TSHZ2: variants seen among roughly 807,000 people sequenced by gnomAD.
The protein encoded by TSHZ2 is teashirt homolog 2.
TSHZ2 carries 21 observed loss-of-function variants against 74.4 expected under a neutral mutation model. The ratio of observed to expected loss-of-function variants is 0.28; its 90% CI spans 0.20 to 0.41. TSHZ2 has a LOEUF of 0.41. TSHZ2 is among the 10% of genes least tolerant of loss of function. The pLI is 1.00. For synonymous variants in TSHZ2, 540 were observed against 515.3 expected, an observed-to-expected ratio of 1.05 and a Z score of -0.65; for missense variants, 1,244 against 1,293.5, an observed-to-expected ratio of 0.96 and a Z score of 0.59.
intron 2 of TSHZ2, among the ~76,000 whole-genome samples, chr20:53,330,027 T>C (rs890913658): frequency 3.3e-5 from 5 of 152,228 alleles, no homozygotes; most frequent in African/African-American, 9.6e-5. Flanking sequence ...ATGTTATCTA[T>C]GGCTAATTTC....
intron 1 of TSHZ2, among the ~76,000 whole-genome samples, chr20:53,166,569 A>G (rs576135037): frequency 1.3e-5 from 2 of 152,170 alleles, no homozygotes; most frequent in South Asian, 4.1e-4. Context: ...CCAGAAGTTC[A>G]AGACCAGCCT....
chr20:53,407,732 C>A (rs1293138792), intron 2 of TSHZ2, among the ~76,000 whole-genome samples: 3 of 152,176 alleles, frequency 2.0e-5, no homozygotes, highest in African/African-American at 4.8e-5. Flanking sequence ...AGAACACAAC[C>A]ATGGCCTTCA....
At chr20:53,267,342 G>A (rs1185698559) in intron 2 of TSHZ2, among the ~76,000 whole-genome samples, 5 of 152,266 alleles carry the variant, frequency 3.3e-5, no homozygotes, top group Admixed American at 3.3e-4. Flanking sequence ...GAAAGCCAGT[G>A]AGCTGGAAGG....
chr20:53,169,297 A>T (rs1366701638), intron 1 of TSHZ2, among the ~76,000 whole-genome samples: 5 of 152,340 alleles, frequency 3.3e-5, no homozygotes, highest in Non-Finnish European at 7.4e-5. Flanking sequence ...CCAATCTGGT[A>T]AACTCTCCAA....
chr20:53,185,666 C>T, intron 1 of TSHZ2: 1 of 1,536,042 alleles, frequency 6.5e-7, no homozygotes, highest in Non-Finnish European at 8.7e-7. Context: ...CTGCGTTGCT[C>T]CATTATACAG....
chr20:53,386,179 T>C (rs1326133462), intron 2 of TSHZ2, among the ~76,000 whole-genome samples: 1 of 152,200 alleles, frequency 6.6e-6, no homozygotes, highest in African/African-American at 2.4e-5. Flanking sequence ...TAACAAGCCC[T>C]GCTCAAGTAT....
intron 2 of TSHZ2, among the ~76,000 whole-genome samples, chr20:53,314,576 C>T (rs911580070): frequency 4.0e-5 from 6 of 151,684 alleles, no homozygotes; most frequent in African/African-American, 1.5e-4. Context: ...GATTGCTCTC[C>T]TTCCAATCTC....
chr20:52,996,277 C>T (rs1439007055), intron 1 of TSHZ2, among the ~76,000 whole-genome samples: 4 of 151,570 alleles, frequency 2.6e-5, no homozygotes, highest in Admixed American at 6.6e-5. Flanking sequence ...TGCTTAAGGC[C>T]GAAAGTTCTT....
chr20:53,089,341 T>TTTAA (rs370108566), intron 1 of TSHZ2, among the ~76,000 whole-genome samples: 2 of 129,742 alleles, frequency 1.5e-5, no homozygotes, highest in Admixed American at 8.0e-5. Flanking sequence ...TTTTTTTTTT[T>TTTAA]ATTAAACAGA....
chr20:53,205,510 T>C (rs924822043), intron 1 of TSHZ2, among the ~76,000 whole-genome samples: 3 of 152,218 alleles, frequency 2.0e-5, no homozygotes, highest in African/African-American at 7.2e-5. Flanking sequence ...AAGAAAACTA[T>C]CCTGGGTCTT....
chr20:53,378,679 G>T (rs1981749361), intron 2 of TSHZ2, among the ~76,000 whole-genome samples: 1 of 152,090 alleles, frequency 6.6e-6, no homozygotes, highest in African/African-American at 2.4e-5. Context: ...ATTTGAGGTA[G>T]GATAGCTAAT....
At chr20:53,187,692 T>A in intron 1 of TSHZ2, among the ~76,000 whole-genome samples, 1 of 139,132 alleles carries the variant, frequency 7.2e-6, no homozygotes, top group East Asian at 2.3e-4. Flanking sequence ...AAGTTCTCAG[T>A]GCTGTTTTTT....
At chr20:53,396,287 G>T (rs987188362) in intron 2 of TSHZ2, among the ~76,000 whole-genome samples, 1 of 152,208 alleles carries the variant, frequency 6.6e-6, no homozygotes, top group Admixed American at 6.5e-5. Flanking sequence ...TCACATGTAC[G>T]TATCGTGGTT....
At chr20:52,983,124 G>A (rs747321999) in intron 1 of TSHZ2, among the ~76,000 whole-genome samples, 10 of 152,266 alleles carry the variant, frequency 6.6e-5, no homozygotes, top group Non-Finnish European at 1.2e-4. Flanking sequence ...ATGACATGGC[G>A]AGGCTGTGGA....
intron 1 of TSHZ2, among the ~76,000 whole-genome samples, chr20:53,176,023 C>T (rs530983372): frequency 2.2e-4 from 33 of 152,292 alleles, no homozygotes; most frequent in Admixed American, 5.2e-4. Flanking sequence ...GATGAGTGTG[C>T]ACACACCCCT....
In TSHZ2 at chr20:53,255,301, G is replaced by A. The variant is rs1568837737; in HGVS notation, c.1843G>A (p.Gly615Arg). The A allele has an allele frequency of 6.2e-6, 10 of 1,614,008 alleles. No homozygotes were observed. The highest frequency in any genetic ancestry group is 5.0e-5 in the Admixed American group (3 of 60,006). The change falls in exon 2 of 3, where the codon GGG (glycine) becomes AGG (arginine). Residue 615 changes from glycine to arginine, a missense_variant. Around this residue, in one of 6 missense-constraint regions of TSHZ2, gnomAD observed 562 missense variants for 544.0 expected, o/e 1.03. Coordinates refer to ENST00000371497, the MANE Select transcript of TSHZ2 (RefSeq NM_173485.6). This position sits in a 1 kb window ranked among gnomAD's most constrained non-coding sequence, Gnocchi z 4.1. ...CAAAGATGAAGCGGTGAAGGAGTGT[G>A]GGAAAGAAAGTCCCCACGAAGAGGC... The part of the protein sequence containing the change: ...EDKDEAVKEC[G>R]KESPHEEASS...
intron 2 of TSHZ2, among the ~76,000 whole-genome samples, chr20:53,389,083 A>G (rs1372978965): frequency 6.6e-6 from 1 of 152,218 alleles, no homozygotes; most frequent in Non-Finnish European, 1.5e-5. Context: ...GCAGGAACAT[A>G]CTGGAATGTG....
intron 2 of TSHZ2, among the ~76,000 whole-genome samples, chr20:53,439,634 T>C (rs924757162): frequency 2.0e-5 from 3 of 152,332 alleles, no homozygotes; most frequent in Non-Finnish European, 4.4e-5. Context: ...GCTTTTTTTT[T>C]CCCTGTGGCA....
chr20:53,078,778 A>G (rs565225060), intron 1 of TSHZ2, among the ~76,000 whole-genome samples: 1 of 152,320 alleles, frequency 6.6e-6, no homozygotes, highest in Non-Finnish European at 1.5e-5. Flanking sequence ...GCTTGGCTAT[A>G]TGGTAAATTT....
Sources: allele counts gnomAD v4.1 joint callset (sites outside exome capture counted in the v4.1 genomes callset), GRCh38; gene constraint gnomAD v4.1.1; regional missense constraint gnomAD v4.1.1; non-coding constraint Gnocchi (gnomAD v3.1); transcripts MANE v1.5; gene names NCBI Gene and HGNC (gene_info 2026-07-23, HGNC 2026-07-21).